ITSN1: variants seen among roughly 807,000 people sequenced by gnomAD.
The protein encoded by ITSN1 is intersectin 1, also known as intersectin-1.
Under a neutral mutation model 239.8 loss-of-function variants are expected in ITSN1, and 58 were observed. The ratio of observed to expected loss-of-function variants is 0.24; its 90% CI spans 0.20 to 0.30. The LOEUF (loss-of-function observed/expected upper bound fraction) is 0.30, where lower values mean the gene tolerates loss of function less well. Among genes scored for constraint, ITSN1 ranks in the 10% least tolerant of loss-of-function variants. ITSN1 has a pLI of 1.00. For synonymous variants in ITSN1, 780 were observed against 770.8 expected (o/e 1.01, Z -0.20); for missense variants, 1,558 against 2,103.3 (o/e 0.74, Z 5.07).
intron 1 of ITSN1, among the ~76,000 whole-genome samples, chr21:33,655,769 A>G (rs2089012170): frequency 6.6e-6 from 1 of 152,000 alleles, no homozygotes; most frequent in Non-Finnish European, 1.5e-5. Context: ...TCGAAATACC[A>G]AGAAGTTGAA....
chr21:33,663,283 T>A lies in ITSN1; in HGVS notation c.-33+20570T>A, dbSNP rs181385170. ...TTCATACTGGTTTTATTATGAGATA[T>A]ATTACCTTTTAGATTTCTTATAAGA... is the stretch of plus-strand genomic sequence containing the variant. On this transcript the variant is annotated intron_variant, in intron 1 of 39. Coordinates refer to ENST00000381318, the MANE Select transcript of ITSN1 (RefSeq NM_003024.3). 3.3e-5 allele frequency among the ~76,000 whole-genome samples: 5 copies of A among 152,384 alleles called. No homozygotes were observed. In the East Asian group the frequency reaches 9.6e-4, roughly 29 times the overall value.
chr21:33,881,116 A>G (rs1984831760), intron 34 of ITSN1, among the ~76,000 whole-genome samples: 1 of 152,072 alleles, frequency 6.6e-6, no homozygotes, highest in Non-Finnish European at 1.5e-5. Flanking sequence ...GCTCAACACC[A>G]CTGATTTACA....
chr21:33,709,445 C>T (rs1255996202), intron 1 of ITSN1, among the ~76,000 whole-genome samples: 2 of 152,108 alleles, frequency 1.3e-5, no homozygotes, highest in African/African-American at 4.8e-5. Context: ...GCTGGAATTA[C>T]GGGCATGTGC....
At chr21:33,874,385 C>T (rs1036423684) in intron 33 of ITSN1, among the ~76,000 whole-genome samples, 2 of 152,060 alleles carry the variant, frequency 1.3e-5, no homozygotes, top group African/African-American at 4.8e-5. Flanking sequence ...CTGCAGCCAC[C>T]GCTCCTCTTA....
intron 26 of ITSN1, among the ~76,000 whole-genome samples, chr21:33,828,468 T>A (rs1441804084): frequency 6.6e-6 from 1 of 152,208 alleles, no homozygotes; most frequent in African/African-American, 2.4e-5. Flanking sequence ...TCTATCCTGG[T>A]GGCCGACCCC....
In ITSN1 at chr21:33,814,045, C is replaced by A; in HGVS notation, c.2700C>A (p.Gly900=). The A allele has an allele frequency of 6.2e-7, 1 of 1,614,144 alleles. No individual in the cohort carries two copies. The stretch of plus-strand genomic sequence containing the variant: ...CCTTTACTCCAGCCACGGCCACTGG[C>A]TCCTCCCCGTCTCCTGTGCTAGGCC... ...RSAFTPATAT[G]SSPSPVLGQG... The change falls in exon 22 of 40, where the codon GGC becomes GGA. Residue 900 remains glycine (G), a synonymous_variant. Coordinates refer to ENST00000381318, the MANE Select transcript of ITSN1 (RefSeq NM_003024.3).
intron 1 of ITSN1, among the ~76,000 whole-genome samples, chr21:33,642,953 G>T (rs944247147): frequency 1.2e-4 from 18 of 150,644 alleles, no homozygotes; most frequent in Non-Finnish European, 1.9e-4. Context: ...GCACTGGGAG[G>T]CCGGGGGCCG....
chr21:33,765,652 A>G (rs1296720168), intron 9 of ITSN1, among the ~76,000 whole-genome samples: 1 of 152,214 alleles, frequency 6.6e-6, no homozygotes, highest in Non-Finnish European at 1.5e-5. Flanking sequence ...GGGGAAGAGT[A>G]TCATTATAAT....
intron 16 of ITSN1, among the ~76,000 whole-genome samples, chr21:33,792,586 A>G (rs2071224202): frequency 6.6e-6 from 1 of 152,192 alleles, no homozygotes; most frequent in Non-Finnish European, 1.5e-5. Flanking sequence ...AACACATTAA[A>G]ATTAAGTTTT....
At chr21:33,716,977 T>C (rs1010698222) in intron 1 of ITSN1, among the ~76,000 whole-genome samples, 11 of 145,876 alleles carry the variant, frequency 7.5e-5, no homozygotes, top group African/African-American at 2.9e-4. Flanking sequence ...AATGAGCCAA[T>C]GAACAAAAAA....
chr21:33,651,336 G>A (rs779082417), intron 1 of ITSN1, among the ~76,000 whole-genome samples: 6 of 152,216 alleles, frequency 3.9e-5, no homozygotes, highest in Non-Finnish European at 5.9e-5. Flanking sequence ...TATCATGTGG[G>A]AGTGGATTGG....
intron 1 of ITSN1, among the ~76,000 whole-genome samples, chr21:33,647,275 A>G (rs955059679): frequency 2.0e-5 from 3 of 152,218 alleles, no homozygotes; most frequent in African/African-American, 4.8e-5. Flanking sequence ...TAAGTCTACT[A>G]CCTGCATACA....
At chr21:33,666,715 T>C (rs539581519) in intron 1 of ITSN1, among the ~76,000 whole-genome samples, 2 of 152,374 alleles carry the variant, frequency 1.3e-5, no homozygotes, top group African/African-American at 2.4e-5. Context: ...TGTGGAGCCC[T>C]TGGGGCTCCT....
chr21:33,895,430 C>CGTGTGTGTGCGTGT lies in ITSN1; in HGVS notation c.*7135_*7136insTGTGCGTGTGTGTG, dbSNP rs544798817. Reference sequence around the variant, plus strand: ...GTGTGTGCATGCGTGTTTGTGCGTGCGTGTGCATGTATGTGTTTGTGCGTG... The same window carrying CGTGTGTGTGCGTGT: ...GTGTGTGCATGCGTGTTTGTGCGTGCGTGTGTGTGCGTGTGTGTGCATGTATGTGTTTGTGCGTG... On this transcript the variant is annotated 3_prime_UTR_variant, in exon 40 of 40. Transcript: ENST00000381318. 2.6e-5 allele frequency: 4 copies of CGTGTGTGTGCGTGT among 151,432 alleles called. No individual in the cohort carries two copies. Among genetic ancestry groups the CGTGTGTGTGCGTGT allele is most frequent in the African/African-American group, 4.9e-5 (2 of 41,094 alleles). 9.4% of individuals were successfully genotyped at this position (151,432 alleles called of 1,614,324 possible).
intron 12 of ITSN1, 120 bp from the exon 13 acceptor site, chr21:33,774,609 C>A: frequency 1.1e-6 from 1 of 889,266 alleles, no homozygotes; most frequent in Non-Finnish European, 1.7e-6. Context: ...AATGTGATTT[C>A]TTGTAATGTT....
intron 39 of ITSN1, 81 bp from the exon 40 acceptor site, chr21:33,888,071 G>C: frequency 1.4e-6 from 2 of 1,434,766 alleles, no homozygotes; most frequent in African/African-American, 2.8e-5. Flanking sequence ...CAGTTCATCA[G>C]GGGGTCCCCA....
chr21:33,666,227 G>A (rs2089921037), intron 1 of ITSN1, among the ~76,000 whole-genome samples: 3 of 152,128 alleles, frequency 2.0e-5, no homozygotes, highest in Admixed American at 2.0e-4. Flanking sequence ...CACTGCACCT[G>A]GCCTGTATGG....
intron 5 of ITSN1, among the ~76,000 whole-genome samples, chr21:33,744,808 T>C: frequency 1.3e-5 from 2 of 152,296 alleles, no homozygotes; most frequent in Admixed American, 1.3e-4. Context: ...TCAATAAATA[T>C]TTGTAAATTT....
chr21:33,684,032 G>C (rs1288754770), intron 1 of ITSN1, among the ~76,000 whole-genome samples: 1 of 152,176 alleles, frequency 6.6e-6, no homozygotes, highest in African/African-American at 2.4e-5. Flanking sequence ...ATCTGTTAGA[G>C]ACTCAATGTG....
Sources: allele counts gnomAD v4.1 joint callset (sites outside exome capture counted in the v4.1 genomes callset), GRCh38; gene constraint gnomAD v4.1.1; transcripts MANE v1.5; gene names NCBI Gene and HGNC (gene_info 2026-07-23, HGNC 2026-07-21).